The following UBXN2A variants were observed in gnomAD, a reference collection of about 807,000 sequenced individuals.
UBXN2A encodes UBX domain-containing protein 2A.
In UBXN2A, 28 loss-of-function variants were observed where a neutral mutation model predicts 28.4. The ratio of observed to expected loss-of-function variants is 0.99; its 90% confidence interval spans 0.73 to 1.35. UBXN2A has a LOEUF of 1.35. Ranked by LOEUF, UBXN2A falls within the 40% of genes most tolerant of loss-of-function variation. UBXN2A has a pLI of 0.00. For missense variants in UBXN2A, 253 were observed against 297.9 expected (o/e 0.85, Z 1.11); for synonymous variants, 97 against 103.6 (o/e 0.94, Z 0.39).
At chr2:23,946,146 T>A (rs1333609692) in intron 1 of UBXN2A, among the ~76,000 whole-genome samples, 2 of 152,108 alleles carry the variant, frequency 1.3e-5, no homozygotes, top group Non-Finnish European at 2.9e-5. Flanking sequence ...TTAATTCTTT[T>A]GTTTATTTAT....
intron 6 of UBXN2A, among the ~76,000 whole-genome samples, chr2:23,990,773 C>CAA (rs765874247): frequency 4.0e-5 from 4 of 99,868 alleles, no homozygotes; most frequent in Admixed American, 1.1e-4. Context: ...GACTCCATCT[C>CAA]AAAAAAAAAA....
chr2:23,981,973 G>C (rs1707927783), intron 4 of UBXN2A, among the ~76,000 whole-genome samples: 1 of 152,016 alleles, frequency 6.6e-6, no homozygotes, highest in Admixed American at 6.6e-5. Context: ...GAATGGTCTT[G>C]GGGCACACAT....
chr2:23,971,835 A>C (rs1707435699), intron 3 of UBXN2A, among the ~76,000 whole-genome samples: 1 of 152,028 alleles, frequency 6.6e-6, no homozygotes, highest in Admixed American at 6.6e-5. Flanking sequence ...CAAGCTAGGC[A>C]CACCTATAAT....
chr2:23,950,239 G>T (rs1706298297), intron 1 of UBXN2A, among the ~76,000 whole-genome samples: 1 of 152,034 alleles, frequency 6.6e-6, no homozygotes, highest in Non-Finnish European at 1.5e-5. Flanking sequence ...TCATCTTTAT[G>T]GTGGAAATGG....
chr2:23,991,815 C>T (rs933424063), intron 6 of UBXN2A, among the ~76,000 whole-genome samples: 1 of 148,296 alleles, frequency 6.7e-6, no homozygotes, highest in Non-Finnish European at 1.5e-5. Context: ...TTTTTTGAGA[C>T]AGTCTCAACT....
At chr2:23,948,490 C>T (rs1394826261) in intron 1 of UBXN2A, among the ~76,000 whole-genome samples, 4 of 151,016 alleles carry the variant, frequency 2.6e-5, no homozygotes, top group South Asian at 4.2e-4. Flanking sequence ...TGATCTCAGG[C>T]GATCTGCCCA....
rs1707263950 is a variant in UBXN2A, at chr2:23,968,451, CG to C, written c.42-2823del. On this transcript the variant is annotated intron_variant, in intron 2 of 6. Transcript: ENST00000309033. Reference sequence around the variant, plus strand: ...CAGCACTTCGGGAGGCTGAGGCAGGCGGATCACGAGGTCAGATCGAGATAAT... The same window carrying C: ...CAGCACTTCGGGAGGCTGAGGCAGGCGATCACGAGGTCAGATCGAGATAAT... 4.6e-5 allele frequency among the ~76,000 whole-genome samples: 7 copies of C among 152,056 alleles called. No homozygotes were observed. In the South Asian group the frequency reaches 1.5e-3, roughly 32 times the overall value.
intron 4 of UBXN2A, among the ~76,000 whole-genome samples, chr2:23,982,219 T>C (rs935390692): frequency 1.3e-5 from 2 of 150,656 alleles, no homozygotes; most frequent in African/African-American, 4.9e-5. Context: ...AAAAAAAAAT[T>C]AACTGGGCGT....
intron 1 of UBXN2A, among the ~76,000 whole-genome samples, chr2:23,947,412 G>T (rs184596509): frequency 6.6e-6 from 1 of 152,192 alleles, no homozygotes; most frequent in South Asian, 2.1e-4. Flanking sequence ...GAAGAAAAAT[G>T]AAGGCAGTTC....
At chr2:23,936,976 G>T (rs962178169), upstream of UBXN2A, among the ~76,000 whole-genome samples, 9 of 152,128 alleles carry the variant, frequency 5.9e-5, no homozygotes, top group Non-Finnish European at 1.2e-4. Context: ...CTCCCAAAGG[G>T]CTGGGATTAA....
At chr2:23,961,723 T>C (rs1706929602) in intron 2 of UBXN2A, among the ~76,000 whole-genome samples, 1 of 147,260 alleles carries the variant, frequency 6.8e-6, no homozygotes, top group African/African-American at 2.5e-5. Flanking sequence ...AATTTTTGTA[T>C]TTTTAGTAGA....
At chr2:23,985,602 G>GTTTTTTT (rs34825489) in intron 6 of UBXN2A, among the ~76,000 whole-genome samples, 131 of 144,396 alleles carry the variant, frequency 9.1e-4, no homozygotes, top group Middle Eastern at 3.5e-3. Context: ...TGTCTAGACA[G>GTTTTTTT]TTTTTTTTTT....
chr2:23,973,332 CT>C (rs1245173784), intron 3 of UBXN2A, among the ~76,000 whole-genome samples: 4 of 146,356 alleles, frequency 2.7e-5, no homozygotes, highest in African/African-American at 1.0e-4. Flanking sequence ...TAGATATTTT[CT>C]TTTTTTCTTT....
intron 6 of UBXN2A, among the ~76,000 whole-genome samples, chr2:23,988,788 T>C (rs1398047000): frequency 6.6e-6 from 1 of 152,228 alleles, no homozygotes. Context: ...ACTCATAGTT[T>C]GCTATTTTAT....
At chr2:23,931,011 A>G (rs1169536924) in intron 1 of UBXN2A, among the ~76,000 whole-genome samples, 2 of 152,102 alleles carry the variant, frequency 1.3e-5, no homozygotes, top group Non-Finnish European at 2.9e-5. Context: ...CTAAAAATAC[A>G]AAAAAATTAG....
At chr2:23,988,136 A>C (rs954814807) in intron 6 of UBXN2A, among the ~76,000 whole-genome samples, 1 of 151,946 alleles carries the variant, frequency 6.6e-6, no homozygotes, top group East Asian at 1.9e-4. Context: ...AAAAAAAAAA[A>C]AAAGAAAGAA....
intron 2 of UBXN2A, chr2:23,969,139 C>T (rs1223999277): frequency 2.6e-5 from 4 of 152,126 alleles, no homozygotes; most frequent in African/African-American, 9.7e-5. Flanking sequence ...GATCCGCCTG[C>T]CTCAGCCTCC....
intron 3 of UBXN2A, among the ~76,000 whole-genome samples, chr2:23,974,384 C>T (rs112603501): frequency 0.12 from 18,001 of 147,604 alleles, 1,089 homozygotes; most frequent in Middle Eastern, 0.22. Flanking sequence ...CTCGCTCTGT[C>T]GCCCAGGCTG....
intron 6 of UBXN2A, among the ~76,000 whole-genome samples, chr2:23,998,822 C>T (rs1007338410): frequency 6.6e-6 from 1 of 152,094 alleles, no homozygotes; most frequent in Non-Finnish European, 1.5e-5. Flanking sequence ...CTTCGTCTCC[C>T]GCGATCAACC....
Sources: gnomAD v4.1 joint callset for allele counts (sites outside exome capture counted in the v4.1 genomes callset) on GRCh38, gnomAD v4.1.1 for gene constraint, MANE v1.5 for transcripts, NCBI Gene and HGNC (gene_info 2026-07-23, HGNC 2026-07-21) for gene names.